ZSCAN25: variants seen among roughly 807,000 people sequenced by gnomAD.
ZSCAN25 encodes the protein zinc finger and SCAN domain containing 25.
A neutral mutation model predicts 38.7 loss-of-function variants in ZSCAN25; 27 were observed. The ratio of observed to expected loss-of-function variants is 0.70; its 90% CI spans 0.51 to 0.96. The LOEUF (loss-of-function observed/expected upper bound fraction) is 0.96. Ranked by LOEUF, ZSCAN25 falls within the 40% of genes least tolerant of loss-of-function variation. ZSCAN25 has a pLI of 0.00. For missense variants in ZSCAN25, 637 were observed against 705.9 expected, an observed-to-expected ratio of 0.90 and a Z score of 1.11; for synonymous variants, 273 against 277.7, an observed-to-expected ratio of 0.98 and a Z score of 0.17.
chr7:99,655,260 G>C, the ZSCAN25 span, among the ~76,000 whole-genome samples: 2 of 152,126 alleles, frequency 1.3e-5, no homozygotes, highest in African/African-American at 4.8e-5. Context: ...TTTGTATAAG[G>C]TGTAAGGAAG....
At chr7:99,725,447 C>T in the ZSCAN25 span, among the ~76,000 whole-genome samples, 1 of 152,190 alleles carries the variant, frequency 6.6e-6, no homozygotes, top group East Asian at 1.9e-4. Flanking sequence ...TGTAAGACAA[C>T]CCAAGACCAT....
the ZSCAN25 span, among the ~76,000 whole-genome samples, chr7:99,703,614 A>C: frequency 6.6e-6 from 1 of 152,296 alleles, no homozygotes; most frequent in Admixed American, 6.5e-5. Context: ...ATCTAATTTC[A>C]TAGGATTCAT....
the ZSCAN25 span, chr7:99,663,424 G>A: frequency 3.0e-6 from 3 of 989,906 alleles, no homozygotes; most frequent in Non-Finnish European, 3.6e-6. Context: ...GGCCTCTAGG[G>A]CTCGTGAAGG....
At chr7:99,637,965 G>A in the ZSCAN25 span, among the ~76,000 whole-genome samples, 19 of 152,282 alleles carry the variant, frequency 1.2e-4, no homozygotes, top group African/African-American at 4.6e-4. Flanking sequence ...ACCAAGAACT[G>A]CTGTATATCC....
the ZSCAN25 span, among the ~76,000 whole-genome samples, chr7:99,692,137 T>G: frequency 6.6e-6 from 1 of 152,234 alleles, no homozygotes; most frequent in African/African-American, 2.4e-5. Context: ...AGTATTTTAT[T>G]TCTCCTTCAC....
chr7:99,712,968 T>G, the ZSCAN25 span, among the ~76,000 whole-genome samples: 2 of 152,192 alleles, frequency 1.3e-5, no homozygotes, highest in Admixed American at 6.6e-5. Flanking sequence ...AATAACTTCA[T>G]AGTTGATTAA....
chr7:99,640,656 T>C, the ZSCAN25 span, among the ~76,000 whole-genome samples: 1 of 152,234 alleles, frequency 6.6e-6, no homozygotes. Flanking sequence ...TTTGAATTCC[T>C]GTCCTGCCTG....
chr7:99,708,481 C>T, the ZSCAN25 span, among the ~76,000 whole-genome samples: 2 of 151,908 alleles, frequency 1.3e-5, no homozygotes, highest in Non-Finnish European at 2.9e-5. Flanking sequence ...TTCTCTCCTC[C>T]TTCTCCTCCT....
chr7:99,686,825 G>A, the ZSCAN25 span, among the ~76,000 whole-genome samples: 1 of 152,120 alleles, frequency 6.6e-6, no homozygotes, highest in Non-Finnish European at 1.5e-5. Context: ...CCAGAGGAAC[G>A]ATCAGGCAGC....
the ZSCAN25 span, chr7:99,638,760 C>G: frequency 1.9e-6 from 2 of 1,065,556 alleles, no homozygotes; most frequent in African/African-American, 3.1e-5. Flanking sequence ...ATAGCACTTT[C>G]CCCATCGCGT....
chr7:99,695,323 C>G, the ZSCAN25 span, among the ~76,000 whole-genome samples: 1 of 152,186 alleles, frequency 6.6e-6, no homozygotes, highest in Non-Finnish European at 1.5e-5. Context: ...AAAGGCTACT[C>G]CTGAGCTCTT....
At chr7:99,709,009 G>C in the ZSCAN25 span, 2 of 1,613,456 alleles carry the variant, frequency 1.2e-6, no homozygotes, top group African/African-American at 2.7e-5. Context: ...GGTTCAGGGA[G>C]GGCTCCCTTC....
chr7:99,704,195 A>G, the ZSCAN25 span, among the ~76,000 whole-genome samples: 2 of 152,210 alleles, frequency 1.3e-5, no homozygotes, highest in Admixed American at 6.5e-5. Flanking sequence ...CCTGTCTCCC[A>G]GAAATATCAG....
At chr7:99,663,845 C>G in the ZSCAN25 span, 2 of 1,399,360 alleles carry the variant, frequency 1.4e-6, no homozygotes, top group Non-Finnish European at 1.9e-6. Context: ...AATGGCTTCT[C>G]TTGTTCTAAA....
chr7:99,728,280 A>G, the ZSCAN25 span, among the ~76,000 whole-genome samples: 3 of 152,212 alleles, frequency 2.0e-5, no homozygotes, highest in East Asian at 5.8e-4. Flanking sequence ...CATTTCCCTT[A>G]AGACATTTGC....
chr7:99,648,083 A>G, the ZSCAN25 span: 2 of 1,145,344 alleles, frequency 1.7e-6, no homozygotes, highest in Non-Finnish European at 2.1e-6. Flanking sequence ...AGCTGAGTCT[A>G]CCTATCTGTC....
At chr7:99,667,139 A>C in the ZSCAN25 span, 1 of 1,372,046 alleles carries the variant, frequency 7.3e-7, no homozygotes, top group Non-Finnish European at 1.0e-6. Flanking sequence ...TATATTGAAG[A>C]GGCATCCTTA....
At position 99,632,308 on chromosome 7, in the gene ZSCAN25, A is replaced by G. The variant is rs914578744; in HGVS notation, c.*2288A>G. 1.9e-5 allele frequency: 18 copies of G among 937,080 alleles called. No homozygotes were observed. The African/African-American group carries it at 3.0e-4, about 16-fold the overall frequency. The allele number at this position is 937,080 out of a possible 1,614,324, so 58.0% of individuals were successfully genotyped here. A position where few individuals can be genotyped will look rare whatever the true frequency, so the allele number is the denominator to read the frequency against. On this transcript the variant is annotated 3_prime_UTR_variant, in exon 8 of 8. Coordinates refer to ENST00000394152, the MANE Select transcript of ZSCAN25 (RefSeq NM_145115.3). ...AATATTTTGTTTTCTGTATTTTTCT[A>G]TTCTTTAGAAATTTTTTTATAATAG...
chr7:99,678,360 T>A, the ZSCAN25 span, among the ~76,000 whole-genome samples: 2 of 152,246 alleles, frequency 1.3e-5, no homozygotes, highest in African/African-American at 2.4e-5. Context: ...TTCATATGGA[T>A]CCTACCTGGA....
Sources: gnomAD v4.1 joint callset for allele counts (sites outside exome capture counted in the v4.1 genomes callset) on GRCh38, gnomAD v4.1.1 for gene constraint, MANE v1.5 for transcripts, NCBI Gene and HGNC (gene_info 2026-07-23, HGNC 2026-07-21) for gene names.